Variants in TAF1 observed in about 807,000 individuals in gnomAD.
TAF1 encodes the protein TATA-box binding protein associated factor 1.
In TAF1, 2 loss-of-function variants were observed where a neutral mutation model predicts 138.5. That is an observed-to-expected ratio of 0.01 (90% confidence interval 0.01 to 0.05). TAF1 has a LOEUF of 0.05. Among genes scored for constraint, TAF1 ranks in the 10% least tolerant of loss-of-function variants. The pLI, the probability that TAF1 is intolerant of heterozygous loss-of-function variation, is 1.00. For missense variants in TAF1, 709 were observed against 1,478.0 expected (o/e 0.48, Z 8.53); for synonymous variants, 437 against 503.2 (o/e 0.87, Z 1.76).
intron 32 of TAF1, among the ~76,000 whole-genome samples, chrX:71,438,318 T>G (rs1208701403): frequency 1.8e-5 from 2 of 111,623 alleles, no homozygotes; most frequent in African/African-American, 6.5e-5. Flanking sequence ...AGTTTCTATC[T>G]CTATGAAATT....
intron 32 of TAF1, among the ~76,000 whole-genome samples, chrX:71,444,881 C>T (rs2037612405): frequency 9.1e-6 from 1 of 110,124 alleles, no homozygotes; most frequent in Non-Finnish European, 1.9e-5. Context: ...CTACAGTTGC[C>T]CGCCACCACA....
chrX:71,381,647 C>G, intron 8 of TAF1, 96 bp from the exon 9 acceptor site: 1 of 986,686 alleles, frequency 1.0e-6, no homozygotes, highest in Non-Finnish European at 1.4e-6. Context: ...ACTCGCTCTA[C>G]TAACATGAGT....
intron 13 of TAF1, chrX:71,492,319 T>G: frequency 7.8e-6 from 1 of 128,732 alleles, no homozygotes; most frequent in South Asian, 2.7e-4. Flanking sequence ...GCCTTGGCCA[T>G]GGAGCTCTGC....
At chrX:71,399,567 C>CTTTTTT (rs35622645) in intron 24 of TAF1, among the ~76,000 whole-genome samples, 5 of 28,932 alleles carry the variant, frequency 1.7e-4, no homozygotes, top group African/African-American at 2.9e-4. Context: ...GTTATTTATT[C>CTTTTTT]TTTTTTTTTT....
At chrX:71,492,537 C>A in intron 13 of TAF1, 1 of 125,333 alleles carries the variant, frequency 8.0e-6, no homozygotes, top group South Asian at 2.5e-4. Flanking sequence ...TCGCCCTGCT[C>A]CTGCTGCGGG....
At chrX:71,438,966 A>G (rs1402561693) in intron 32 of TAF1, among the ~76,000 whole-genome samples, 3 of 111,457 alleles carry the variant, frequency 2.7e-5, no homozygotes, top group African/African-American at 9.8e-5. Flanking sequence ...GCAAGACTCC[A>G]AAAATAAAAA....
intron 32 of TAF1, among the ~76,000 whole-genome samples, chrX:71,444,601 C>T (rs1301554173): frequency 9.0e-6 from 1 of 110,846 alleles, no homozygotes; most frequent in Non-Finnish European, 1.9e-5. Flanking sequence ...CCCGTAGTCC[C>T]AGCTACTTGG....
At chrX:71,420,105 G>A (rs1343975291) in intron 28 of TAF1, 10 of 445,982 alleles carry the variant, frequency 2.2e-5, no homozygotes, top group East Asian at 4.4e-5. Flanking sequence ...CCATGATGTC[G>A]CTCTAGCCTG....
Position 71,392,738 on chromosome X carries a change from T to C in TAF1, c.2931+20T>C. 2.5e-6 allele frequency: 3 copies of C among 1,189,662 alleles called. No individual in the cohort carries two copies. Among genetic ancestry groups the C allele is most frequent in the Non-Finnish European group, 3.4e-6 (3 of 885,327 alleles). On this transcript the variant is annotated intron_variant, in intron 19 of 37. Transcript: ENST00000423759. ...CAGAAGGTGAGATTGTGTTTATTTCTAGAATGAAAAAGTCAAGGGAGAAAG... is the reference window on the plus strand; with the variant it reads ...CAGAAGGTGAGATTGTGTTTATTTCCAGAATGAAAAAGTCAAGGGAGAAAG...
At chrX:71,397,758 C>T in intron 23 of TAF1, among the ~76,000 whole-genome samples, 1 of 111,135 alleles carries the variant, frequency 9.0e-6, no homozygotes. Context: ...GCTGGGATTA[C>T]AGGCATGAAC....
At chrX:71,483,803 T>TATATATATATACAC (rs1290090578) in intron 13 of TAF1, among the ~76,000 whole-genome samples, 1 of 92,894 alleles carries the variant, frequency 1.1e-5, no homozygotes, top group African/African-American at 4.3e-5. Context: ...TATATATATA[T>TATATATATATACAC]ACACACACAT....
chrX:71,374,594 G>A (rs946456833), intron 3 of TAF1, among the ~76,000 whole-genome samples: 3 of 110,700 alleles, frequency 2.7e-5, no homozygotes, highest in African/African-American at 6.6e-5. Context: ...CTACAGGCGT[G>A]TGCCACCACG....
intron 13 of TAF1, 41 bp from the exon 14 acceptor site, chrX:71,384,904 T>G: frequency 4.2e-5 from 42 of 999,681 alleles, no homozygotes; most frequent in Non-Finnish European, 5.1e-5. Flanking sequence ...GTAGGATTAT[T>G]GATATATTCT....
intron 32 of TAF1, among the ~76,000 whole-genome samples, chrX:71,437,658 A>G (rs1180057255): frequency 9.2e-6 from 1 of 108,717 alleles, no homozygotes; most frequent in African/African-American, 3.3e-5. Context: ...CCAAAAAAAA[A>G]AAAAAGAAAA....
intron 32 of TAF1, among the ~76,000 whole-genome samples, chrX:71,431,565 A>G (rs1288742704): frequency 9.0e-6 from 1 of 110,745 alleles, no homozygotes; most frequent in Non-Finnish European, 1.9e-5. Context: ...AAAAAACATA[A>G]GAGTCACTGT....
chrX:71,423,838 G>A, intron 30 of TAF1, 136 bp from the exon 31 acceptor site: 2 of 495,876 alleles, frequency 4.0e-6, no homozygotes, highest in South Asian at 7.0e-5. Flanking sequence ...ATAAACAGAA[G>A]TTTTGTATGA....
rs747222366 is a variant in TAF1 at position 71,377,880 on chromosome X, G to A, written c.933+59G>A. Reference sequence around the variant, plus strand: ...TGAGAGGAACAAATGAATTCAATGAGTTCTCCCTAATTTATGTCTAAATTG... The same window carrying A: ...TGAGAGGAACAAATGAATTCAATGAATTCTCCCTAATTTATGTCTAAATTG... On this transcript the variant is annotated intron_variant, in intron 6 of 37. Coordinates refer to ENST00000423759, the MANE Select transcript of TAF1 (RefSeq NM_004606.5). 19 of 1,064,000 alleles carry A rather than the reference G, an allele frequency of 1.8e-5. No homozygotes were observed. The South Asian group carries it at 4.4e-4, about 24-fold the overall frequency. The allele number at this position is 1,064,000 out of a possible 1,213,427, so 87.7% of individuals were successfully genotyped here. A position where few individuals can be genotyped will look rare whatever the true frequency, so the allele number is the denominator to read the frequency against.
At chrX:71,488,724 G>T (rs137958828) in intron 13 of TAF1, among the ~76,000 whole-genome samples, 85 of 111,226 alleles carry the variant, frequency 7.6e-4, no homozygotes, top group African/African-American at 2.5e-3. Context: ...CCTCCTCTCT[G>T]CACTGTGGCC....
At chrX:71,477,942 C>G (rs1330209413) in intron 13 of TAF1, among the ~76,000 whole-genome samples, 1 of 109,468 alleles carries the variant, frequency 9.1e-6, no homozygotes, top group Non-Finnish European at 1.9e-5. Context: ...TGCAGTGAGC[C>G]GAGATCACAC....
Sources: gnomAD v4.1 joint callset for allele counts (sites outside exome capture counted in the v4.1 genomes callset) on GRCh38, gnomAD v4.1.1 for gene constraint, MANE v1.5 for transcripts, NCBI Gene and HGNC (gene_info 2026-07-23, HGNC 2026-07-21) for gene names.